Variants in FXR1 observed in about 807,000 individuals in gnomAD.
FXR1 encodes FMR1 autosomal homolog 1.
A neutral mutation model predicts 84.0 loss-of-function variants in FXR1; 15 were observed. The observed-to-expected ratio is 0.18, with a 90% CI of 0.12 to 0.27. The LOEUF (loss-of-function observed/expected upper bound fraction) is 0.27. Ranked by LOEUF, FXR1 falls within the 10% of genes least tolerant of loss-of-function variation. The pLI is 1.00. For synonymous variants in FXR1, 245 were observed against 250.7 expected, an observed-to-expected ratio of 0.98 and a Z score of 0.21; for missense variants, 480 against 774.4, an observed-to-expected ratio of 0.62 and a Z score of 4.51.
chr3:180,933,659 A>G (rs1435221593), intron 2 of FXR1, among the ~76,000 whole-genome samples: 2 of 152,232 alleles, frequency 1.3e-5, no homozygotes, highest in African/African-American at 4.8e-5. Flanking sequence ...TAATATGCTT[A>G]ATATTTAAAA....
chr3:180,925,089 C>T (rs946364132), intron 1 of FXR1, among the ~76,000 whole-genome samples: 1 of 152,022 alleles, frequency 6.6e-6, no homozygotes, highest in Non-Finnish European at 1.5e-5. Flanking sequence ...CCTGGCCGGG[C>T]GCGATGGCTC....
At chr3:180,926,506 A>ATATATATATTTTTTTTTTTTTT (rs72192827) in intron 1 of FXR1, among the ~76,000 whole-genome samples, 71 of 124,276 alleles carry the variant, frequency 5.7e-4, no homozygotes, top group African/African-American at 2.0e-3. Flanking sequence ...ATATATATAT[A>ATATATATATTTTTTTTTTTTTT]TTTTTTTTTC....
At chr3:180,938,302 C>T (rs1197874957) in intron 3 of FXR1, among the ~76,000 whole-genome samples, 1 of 152,166 alleles carries the variant, frequency 6.6e-6, no homozygotes, top group African/African-American at 2.4e-5. Flanking sequence ...CTTTTATTAA[C>T]ACTGGAGGTA....
chr3:180,974,283 C>T (rs1465209940), intron 15 of FXR1, among the ~76,000 whole-genome samples: 3 of 152,038 alleles, frequency 2.0e-5, no homozygotes, highest in Admixed American at 6.6e-5. Context: ...CTCAGCCTCC[C>T]AGGTAGCTGG....
chr3:180,940,322 C>T (rs551486047), intron 3 of FXR1, among the ~76,000 whole-genome samples: 88 of 152,052 alleles, frequency 5.8e-4, no homozygotes, highest in Admixed American at 1.0e-3. Flanking sequence ...AAATATGCTC[C>T]GCCTGTAAAG....
chr3:180,969,993 G>A (rs1381592462), intron 14 of FXR1, among the ~76,000 whole-genome samples, 165 bp from the exon 15 acceptor site: 1 of 151,992 alleles, frequency 6.6e-6, no homozygotes, highest in African/African-American at 2.4e-5. Context: ...AATTATCTTT[G>A]TTATTTTCCA....
rs1714583311 is a variant in FXR1, at chr3:180,980,984, G to C, written c.*4692G>C. 1 of 151,508 alleles carries C rather than the reference G, an allele frequency of 6.6e-6. No individual in the cohort carries two copies. Among genetic ancestry groups the C allele is most frequent in the African/African-American group, 2.4e-5 (1 of 41,232 alleles). 9.4% of individuals were successfully genotyped at this position (151,508 alleles called of 1,614,324 possible). A position where few individuals can be genotyped will look rare whatever the true frequency, so the allele number is the denominator to read the frequency against. ...ACAGGGTTTTGTTTTTTTAAGCTTA[G>C]TCTGTTCTTTGACATTGTTGATTCA... On this transcript the variant is annotated 3_prime_UTR_variant, in exon 17 of 17. Coordinates refer to ENST00000357559, the MANE Select transcript of FXR1 (RefSeq NM_005087.4).
intron 3 of FXR1, among the ~76,000 whole-genome samples, chr3:180,941,416 C>T (rs1412747023): frequency 6.6e-6 from 1 of 152,046 alleles, no homozygotes; most frequent in Non-Finnish European, 1.5e-5. Flanking sequence ...GAGTCTTGAA[C>T]TCCTGGGCTC....
chr3:180,919,442 G>A lies in FXR1; in HGVS notation c.51+6706G>A, dbSNP rs561671967. Among the ~76,000 whole-genome samples the A allele has an allele frequency of 3.3e-5, 5 of 151,338 alleles. No individual in the cohort carries two copies. The East Asian group carries it at 7.8e-4, about 24-fold the overall frequency. ...TGGGATTATAGCTGTGTGCCTCCACGCCCAGGCAATTTTTGTATTTTTAGT... is the reference window on the plus strand; with the variant it reads ...TGGGATTATAGCTGTGTGCCTCCACACCCAGGCAATTTTTGTATTTTTAGT... On this transcript the variant is annotated intron_variant, in intron 1 of 16. Transcript: ENST00000357559.
At chr3:180,946,993 C>T (rs1338420126) in intron 3 of FXR1, among the ~76,000 whole-genome samples, 16 of 152,110 alleles carry the variant, frequency 1.1e-4, no homozygotes, top group Non-Finnish European at 1.2e-4. Context: ...TGACCTATTA[C>T]GTTAATAAAA....
chr3:180,966,456 T>G (rs930819836), intron 13 of FXR1, among the ~76,000 whole-genome samples: 1 of 152,240 alleles, frequency 6.6e-6, no homozygotes, highest in East Asian at 1.9e-4. Context: ...TTCTTATGTC[T>G]GAAGAGCTCT....
intron 15 of FXR1, among the ~76,000 whole-genome samples, chr3:180,972,046 A>G (rs1430950379): frequency 6.6e-6 from 1 of 152,186 alleles, no homozygotes; most frequent in Non-Finnish European, 1.5e-5. Flanking sequence ...TCCCATCCCT[A>G]AAAGTTCATG....
At chr3:180,952,082 T>C (rs993456838) in intron 8 of FXR1, among the ~76,000 whole-genome samples, 2 of 152,154 alleles carry the variant, frequency 1.3e-5, no homozygotes, top group African/African-American at 4.8e-5. Flanking sequence ...ATCTATATTT[T>C]TATATATGTA....
rs1255511380 is a variant in FXR1, at chr3:180,981,580, A to G, written c.*5288A>G. 6.6e-6 allele frequency: 1 copy of G among 152,106 alleles called. No individual in the cohort carries two copies. Among genetic ancestry groups the G allele is most frequent in the Non-Finnish European group, 1.5e-5 (1 of 67,982 alleles). The allele number at this position is 152,106 out of a possible 1,614,324, so 9.4% of individuals were successfully genotyped here. A position where few individuals can be genotyped will look rare whatever the true frequency, so the allele number is the denominator to read the frequency against. On this transcript the variant is annotated 3_prime_UTR_variant, in exon 17 of 17. Transcript: ENST00000357559. ...AAGGGAAGAGGCTAAGTGACTCACAAAAATCTCTGATATTGAGGTCTAATG... is the reference window on the plus strand; with the variant it reads ...AAGGGAAGAGGCTAAGTGACTCACAGAAATCTCTGATATTGAGGTCTAATG...
At chr3:180,944,799 T>A (rs1433735068) in intron 3 of FXR1, among the ~76,000 whole-genome samples, 1 of 152,174 alleles carries the variant, frequency 6.6e-6, no homozygotes, top group Non-Finnish European at 1.5e-5. Flanking sequence ...ACTTTTGTAT[T>A]TTGCATAGTG....
At chr3:180,954,963 C>T in intron 9 of FXR1, among the ~76,000 whole-genome samples, 1 of 123,458 alleles carries the variant, frequency 8.1e-6, no homozygotes. Flanking sequence ...TGGAATTTAA[C>T]TGTTAGTATT....
rs1332041183 is a variant in FXR1, at chr3:180,942,672, C to T, written c.199-5193C>T. Among the ~76,000 whole-genome samples the T allele has an allele frequency of 2.0e-5, 3 of 152,208 alleles. No individual in the cohort carries two copies. In the East Asian group the frequency reaches 5.8e-4, roughly 29 times the overall value. ...TTTTAGGCTTCTCATCATGGTCACT[C>T]CACAGTCTCCTGGATTTTAGTATGT... On this transcript the variant is annotated intron_variant, in intron 3 of 16. Coordinates refer to ENST00000357559, the MANE Select transcript of FXR1 (RefSeq NM_005087.4).
intron 3 of FXR1, among the ~76,000 whole-genome samples, chr3:180,942,271 G>T (rs1054353387): frequency 1.3e-5 from 2 of 151,422 alleles, no homozygotes; most frequent in South Asian, 2.1e-4. Context: ...CCAGCTACTC[G>T]GGAGGCTGAG....
intron 8 of FXR1, 148 bp downstream of exon 8, chr3:180,951,616 T>C (rs1209823538): frequency 1.7e-5 from 9 of 536,540 alleles, no homozygotes; most frequent in Admixed American, 3.6e-5. Context: ...GTCTTACTTA[T>C]GAAGCTGAAT....
Sources: allele counts gnomAD v4.1 joint callset (sites outside exome capture counted in the v4.1 genomes callset), GRCh38; gene constraint gnomAD v4.1.1; transcripts MANE v1.5; gene names NCBI Gene and HGNC (gene_info 2026-07-23, HGNC 2026-07-21).